The following FANCD2 variants were observed in gnomAD, a reference collection of about 807,000 sequenced individuals.
FANCD2 encodes Fanconi anemia group D2 protein.
Under a neutral mutation model 192.3 loss-of-function variants are expected in FANCD2, and 131 were observed. The ratio of observed to expected loss-of-function variants is 0.68; its 90% confidence interval spans 0.59 to 0.79. FANCD2 has a LOEUF of 0.79. Among genes scored for constraint, FANCD2 ranks in the 30% least tolerant of loss-of-function variants. The pLI is 0.00. For synonymous variants in FANCD2, 524 were observed against 612.5 expected (o/e 0.86, Z 2.13); for missense variants, 1,508 against 1,701.6 (o/e 0.89, Z 2.00).
At chr3:10,072,165 G>T (rs1693288584) in intron 26 of FANCD2, among the ~76,000 whole-genome samples, 1 of 152,018 alleles carries the variant, frequency 6.6e-6, no homozygotes, top group Non-Finnish European at 1.5e-5. Context: ...GTAACACAAA[G>T]AAATGATAAA....
chr3:10,041,437 A>T (rs2086861453), intron 9 of FANCD2, 186 bp from the exon 10 acceptor site: 2 of 536,420 alleles, frequency 3.7e-6, no homozygotes, highest in Non-Finnish European at 6.7e-6. Flanking sequence ...TTGAATTTTT[A>T]TAATGAGCAT....
At position 10,028,856 on chromosome 3, in the gene FANCD2, A is replaced by T. The variant is rs536056640; in HGVS notation, c.64+135A>T. 8 of 842,482 alleles carry T rather than the reference A, an allele frequency of 9.5e-6. No homozygotes were observed. The East Asian group carries it at 1.8e-4, about 19-fold the overall frequency. The allele number at this position is 842,482 out of a possible 1,614,324, so 52.2% of individuals were successfully genotyped here. A position where few individuals can be genotyped will look rare whatever the true frequency, so the allele number is the denominator to read the frequency against. ...TGGAGTGCACAGAATTAAGGGAGAA[A>T]TATCAGATTTGGGACTGAGTTTTTG... is the stretch of plus-strand genomic sequence containing the variant. On this transcript the variant is annotated intron_variant, in intron 2 of 43. Transcript: ENST00000675286.
At chr3:10,078,589 T>C (rs977203074) in intron 30 of FANCD2, among the ~76,000 whole-genome samples, 14 of 151,294 alleles carry the variant, frequency 9.3e-5, no homozygotes, top group South Asian at 8.5e-4. Context: ...CTCCTGACCT[T>C]GTGATCCGCC....
At position 10,032,956 on chromosome 3, in the gene FANCD2, GAGTC is replaced by G. The variant is rs1221526082; in HGVS notation, c.192_195del (p.Ser64ArgfsTer4). 1.2e-5 allele frequency: 19 copies of G among 1,584,662 alleles called. No homozygotes were observed. Among genetic ancestry groups the G allele is most frequent in the Non-Finnish European group, 1.6e-5 (19 of 1,153,476 alleles). On this transcript the variant is annotated frameshift_variant, in exon 3 of 44. Coordinates refer to ENST00000675286, the MANE Select transcript of FANCD2 (RefSeq NM_001018115.3). LOFTEE classifies it high-confidence loss of function. The stretch of plus-strand genomic sequence containing the variant: ...CAGGAATTATTCTTAAAACGGGAGA[GAGTC>G]AGAATCAACTAGGTAATATTTTAAT...
chr3:10,027,904 C>CAAAAAAAA (rs145483323), intron 1 of FANCD2, among the ~76,000 whole-genome samples: 35 of 66,508 alleles, frequency 5.3e-4, no homozygotes, highest in African/African-American at 2.0e-3. Context: ...GACTCCGTCT[C>CAAAAAAAA]AAAAAAAAAA....
In FANCD2 at chr3:10,041,669, G is replaced by T; in HGVS notation, c.742G>T (p.Val248Phe). 6.2e-7 allele frequency: 1 copy of T among 1,613,872 alleles called. No individual in the cohort carries two copies. The highest frequency in any genetic ancestry group is 1.3e-5 in the African/African-American group (1 of 74,984). Residue 248 changes from valine (V) to phenylalanine (F), a missense_variant, in exon 10 of 44, where the codon GTC (valine) becomes TTC (phenylalanine). Transcript: ENST00000675286. Reference sequence around the variant, plus strand: ...TTCACTCACTGTCCCAATCCTGGATGTCCTTTCAAGCCTCCGACTTGACCC... The same window carrying T: ...TTCACTCACTGTCCCAATCCTGGATTTCCTTTCAAGCCTCCGACTTGACCC... ...NTSLTVPILDVLSSLRLDPNF... is the reference protein window; with the variant it reads ...NTSLTVPILDFLSSLRLDPNF...
rs1011595541 is a variant in FANCD2, at chr3:10,074,646, C to A, written c.2832C>A (p.Phe944Leu). The A allele has an allele frequency of 3.1e-6, 5 of 1,613,644 alleles. No individual in the cohort carries two copies. In the African/African-American group the frequency reaches 5.3e-5, roughly 17 times the overall value. The change falls in exon 29 of 44, where the codon TTC (phenylalanine) becomes TTA (leucine). Residue 944 changes from phenylalanine (F) to leucine (L), a missense_variant. Coordinates refer to ENST00000675286, the MANE Select transcript of FANCD2 (RefSeq NM_001018115.3). ...SILHCGLVTKFILDTEMHTEA... is the reference protein window; with the variant it reads ...SILHCGLVTKLILDTEMHTEA... ...TACATTGTGGACTTGTGACGAAGTT[C>A]ATCTTAGATACTGAAATGCACACTG...
At chr3:10,060,239 C>G in intron 18 of FANCD2, 55 bp from the exon 19 acceptor site, 1 of 1,252,632 alleles carries the variant, frequency 8.0e-7, no homozygotes, top group South Asian at 1.2e-5. Flanking sequence ...ATATCCATAC[C>G]TTCTTTTGCT....
chr3:10,043,326 C>T (rs1322201692), intron 12 of FANCD2, among the ~76,000 whole-genome samples, 158 bp from the exon 13 acceptor site: 3 of 152,072 alleles, frequency 2.0e-5, no homozygotes, highest in Admixed American at 1.3e-4. Flanking sequence ...ATTTTCTTAG[C>T]CATTCAGATC....
chr3:10,056,272 C>CT (rs2087409537), intron 18 of FANCD2, among the ~76,000 whole-genome samples: 1 of 152,204 alleles, frequency 6.6e-6, no homozygotes, highest in Admixed American at 6.5e-5. Context: ...AATAATGTTG[C>CT]TGTGACCATT....
chr3:10,094,768 A>G (rs1435251144), intron 40 of FANCD2: 1 of 315,712 alleles, frequency 3.2e-6, no homozygotes, highest in Non-Finnish European at 6.1e-6. Flanking sequence ...CAGTCTTGAC[A>G]GTTTTTTAGC....
chr3:10,044,828 C>G (rs1413302148), intron 14 of FANCD2, among the ~76,000 whole-genome samples: 5 of 152,130 alleles, frequency 3.3e-5, no homozygotes, highest in Admixed American at 6.5e-5. Context: ...ATAAATTTAC[C>G]ACCTTGGCTG....
At chr3:10,063,748 G>C (rs1307438494) in intron 20 of FANCD2, 44 bp from the exon 21 acceptor site, 10 of 1,613,298 alleles carry the variant, frequency 6.2e-6, no homozygotes, top group Non-Finnish European at 7.6e-6. Flanking sequence ...GTTTGGGAAA[G>C]ATTGGCAGCC....
intron 32 of FANCD2, among the ~76,000 whole-genome samples, chr3:10,081,784 CTG>C (rs959611743): frequency 3.3e-5 from 5 of 152,098 alleles, no homozygotes; most frequent in African/African-American, 9.7e-5. Context: ...GAGCTGAACA[CTG>C]TGAGCTGGGC....
rs1264265816 is a variant in FANCD2 at position 10,059,953 on chromosome 3, C to G, written c.1657-341C>G. Among the ~76,000 whole-genome samples, 6 of 152,042 alleles carry G rather than the reference C, an allele frequency of 3.9e-5. No homozygotes were observed. In the East Asian group the frequency reaches 9.7e-4, roughly 25 times the overall value. On this transcript the variant is annotated intron_variant, in intron 18 of 43. Transcript: ENST00000675286. ...TGGAAGGCCAAGGCTGGTGGATCAC[C>G]TGAGGTCAGGAGTTCACCAGCCTAG...
intron 17 of FANCD2, among the ~76,000 whole-genome samples, chr3:10,050,894 T>C (rs1233924874): frequency 1.3e-5 from 2 of 150,658 alleles, no homozygotes; most frequent in African/African-American, 4.9e-5. Flanking sequence ...CGAATCAGCC[T>C]GACCAACATG....
At chr3:10,098,632 T>C (rs1340229423) in intron 42 of FANCD2, 88 bp from the exon 43 acceptor site, 2 of 1,504,742 alleles carry the variant, frequency 1.3e-6, no homozygotes, top group Non-Finnish European at 1.8e-6. Context: ...ATATCTTCCT[T>C]TGTATTGCCT....
intron 9 of FANCD2, 41 bp downstream of exon 9, chr3:10,039,886 A>C: frequency 6.2e-7 from 1 of 1,613,292 alleles, no homozygotes; most frequent in Non-Finnish European, 8.5e-7. Flanking sequence ...AGGCTCAGCT[A>C]TGGGGGTTCT....
In FANCD2 at chr3:10,088,856, C is replaced by G. The variant is rs1246123921; in HGVS notation, c.3589C>G (p.Leu1197Val). ...CIYLEHTESI[L>V]KAIEEIAGVG... ...CTACCTGGAGCACACAGAGAGCATT[C>G]TGAAGGCCATAGAGGAGATTGCTGG... The change falls in exon 36 of 44, where the codon CTG becomes GTG. Residue 1197 changes from leucine (L) to valine (V), a missense_variant. Coordinates refer to ENST00000675286, the MANE Select transcript of FANCD2 (RefSeq NM_001018115.3). 1.2e-6 allele frequency: 2 copies of G among 1,614,066 alleles called. No homozygotes were observed. The highest frequency in any genetic ancestry group is 1.7e-6 in the Non-Finnish European group (2 of 1,180,014).
Sources: allele counts gnomAD v4.1 joint callset (sites outside exome capture counted in the v4.1 genomes callset), GRCh38; gene constraint gnomAD v4.1.1; transcripts MANE v1.5; gene names NCBI Gene and HGNC (gene_info 2026-07-23, HGNC 2026-07-21).